The following C15orf40 variants were observed in gnomAD, a reference collection of about 807,000 sequenced individuals.
C15orf40 encodes chromosome 15 open reading frame 40, also known as UPF0235 protein C15orf40.
Under a neutral mutation model 13.9 loss-of-function variants are expected in C15orf40, and 9 were observed. The observed-to-expected ratio is 0.65, with a 90% confidence interval of 0.39 to 1.13. The LOEUF is 1.13. C15orf40 is among the 50% of genes most tolerant of loss of function. The probability of loss-of-function intolerance (pLI) is 0.01; values close to 1 mark genes in which losing one functional copy is unlikely to be tolerated. For missense variants in C15orf40, 225 were observed against 188.5 expected (o/e 1.19, Z -1.13); for synonymous variants, 95 against 69.2 (o/e 1.37, Z -1.85).
intron 3 of C15orf40, among the ~76,000 whole-genome samples, chr15:83,006,665 T>A (rs1265217431): frequency 6.6e-6 from 1 of 151,388 alleles, no homozygotes; most frequent in African/African-American, 2.4e-5. Context: ...AGCAGGAGAA[T>A]CACTTGAACC....
Position 83,008,610 on chromosome 15 carries a change from C to T in C15orf40, c.304G>A (p.Glu102Lys). The change falls in exon 3 of 4, where the codon GAG becomes AAG. Residue 102 changes from glutamate to lysine, a missense_variant. Glu to Lys is a moderately conservative substitution (Grantham distance 56). Transcript: ENST00000304177. The stretch of plus-strand genomic sequence containing the variant: ...ACCTTGGAAAGATACCGACAGAGCT[C>T]AGCATTAGCCTCTCCCTCTGATGGA... ...APPSEGEANAELCRYLSKVLE... is the reference protein window; with the variant it reads ...APPSEGEANAKLCRYLSKVLE... The T allele has an allele frequency of 1.2e-6, 2 of 1,613,996 alleles. No homozygotes were observed. Among genetic ancestry groups the T allele is most frequent in the Non-Finnish European group, 1.7e-6 (2 of 1,179,978 alleles).
rs1187362026 is a variant in C15orf40 at position 83,000,742 on chromosome 15, C to G, written c.*4855G>C. The G allele has an allele frequency of 1.3e-5, 2 of 152,200 alleles. No homozygotes were observed. Among genetic ancestry groups the G allele is most frequent in the Non-Finnish European group, 2.9e-5 (2 of 68,042 alleles). The allele number at this position is 152,200 out of a possible 1,614,324, so 9.4% of individuals were successfully genotyped here. A position where few individuals can be genotyped will look rare whatever the true frequency, so the allele number is the denominator to read the frequency against. On this transcript the variant is annotated 3_prime_UTR_variant, in exon 4 of 4. Transcript: ENST00000304177. ...CAGCTAAAGAACTATGTAACCAAAT[C>G]CCTGGAATCTAGGAGGGGGATGCTG...
chr15:83,007,233 A>T (rs2031737256), intron 3 of C15orf40, among the ~76,000 whole-genome samples: 2 of 152,236 alleles, frequency 1.3e-5, no homozygotes, highest in South Asian at 4.1e-4. Flanking sequence ...TTCTCCTAGC[A>T]AGCAAGGACA....
downstream of C15orf40, among the ~76,000 whole-genome samples, chr15:82,989,419 G>T (rs904171795): frequency 1.3e-5 from 2 of 152,068 alleles, no homozygotes; most frequent in African/African-American, 4.8e-5. Flanking sequence ...GTTTTTAGAT[G>T]TTTTTTCTGT....
downstream of C15orf40, chr15:82,989,161 G>A (rs545191636): frequency 1.9e-6 from 3 of 1,612,934 alleles, no homozygotes; most frequent in South Asian, 1.1e-5. Flanking sequence ...AGCAGAGCTG[G>A]TGGGAACCAA....
chr15:82,989,569 A>G (rs746481091), downstream of C15orf40, among the ~76,000 whole-genome samples: 6 of 152,236 alleles, frequency 3.9e-5, no homozygotes, highest in Non-Finnish European at 8.8e-5. Flanking sequence ...TAATAATTCA[A>G]AATAGTCAAA....
downstream of C15orf40, chr15:82,990,603 G>C: frequency 7.4e-7 from 1 of 1,342,450 alleles, no homozygotes; most frequent in Non-Finnish European, 1.0e-6. Context: ...TTAATCTATA[G>C]ATGAGTCAGC....
rs2031022889 is a variant in C15orf40, at chr15:82,995,561, G to C, written c.*10036C>G. 6.6e-6 allele frequency: 1 copy of C among 152,414 alleles called. No homozygotes were observed. The highest frequency in any genetic ancestry group is 6.5e-5 in the Admixed American group (1 of 15,286). The allele number at this position is 152,414 out of a possible 1,614,324, so 9.4% of individuals were successfully genotyped here. On this transcript the variant is annotated 3_prime_UTR_variant, in exon 4 of 4. Coordinates refer to ENST00000304177, the MANE Select transcript of C15orf40 (RefSeq NM_144597.3). ...TCACTTTGGGAGGCCAAGGTGGAAG[G>C]ATCACCTGAGGTCAGGAGTTCCAGA...
intron 1 of C15orf40, 123 bp downstream of exon 1, chr15:83,011,374 G>A: frequency 6.9e-6 from 8 of 1,160,044 alleles, no homozygotes; most frequent in Non-Finnish European, 9.3e-6. Context: ...CCTGAGCCCC[G>A]GAACTGAGAG....
rs1189822916 is a variant in C15orf40, at chr15:83,010,365, TA to T, written c.112-3del. Reference sequence around the variant, plus strand: ...TGGTTCCTTGCTCTGGCTTTTACCCTAAAATGACAACCACACAACTTTACAG... The same window carrying T: ...TGGTTCCTTGCTCTGGCTTTTACCCTAAATGACAACCACACAACTTTACAG... On this transcript the variant is annotated splice_polypyrimidine_tract_variant and splice_region_variant and intron_variant, in intron 1 of 3. Transcript: ENST00000304177. The T allele has an allele frequency of 2.4e-5, 38 of 1,614,082 alleles. No individual in the cohort carries two copies. Among genetic ancestry groups the T allele is most frequent in the Non-Finnish European group, 3.2e-5 (38 of 1,179,966 alleles).
downstream of C15orf40, among the ~76,000 whole-genome samples, chr15:82,993,973 G>C (rs780828759): frequency 8.8e-4 from 134 of 152,136 alleles, 1 homozygote; most frequent in Non-Finnish European, 2.9e-4. Context: ...TTTTGTTTTT[G>C]AGTGCTAGGT....
intron 3 of C15orf40, among the ~76,000 whole-genome samples, chr15:83,006,682 G>A (rs1475957208): frequency 6.6e-6 from 1 of 152,140 alleles, no homozygotes; most frequent in Non-Finnish European, 1.5e-5. Flanking sequence ...AACCGGGGAG[G>A]GGCGGGGCGC....
downstream of C15orf40, among the ~76,000 whole-genome samples, chr15:82,992,320 A>T (rs2030896027): frequency 1.3e-5 from 2 of 152,172 alleles, no homozygotes; most frequent in South Asian, 4.1e-4. Flanking sequence ...GTTCGAGACC[A>T]GCCTGGCCAA....
intron 2 of C15orf40, among the ~76,000 whole-genome samples, chr15:83,009,703 C>A (rs2031889931): frequency 6.6e-6 from 1 of 152,204 alleles, no homozygotes; most frequent in Non-Finnish European, 1.5e-5. Context: ...TCCTGAGGCA[C>A]CTCCAGCACT....
In C15orf40 at chr15:82,999,499, CCTTTTA is replaced by C. The variant is rs926034250; in HGVS notation, c.*6092_*6097del. The C allele has an allele frequency of 1.7e-4, 26 of 152,140 alleles. No homozygotes were observed. The highest frequency in any genetic ancestry group is 6.3e-4 in the African/African-American group (26 of 41,414). The allele number at this position is 152,140 out of a possible 1,614,324, so 9.4% of individuals were successfully genotyped here. A position where few individuals can be genotyped will look rare whatever the true frequency, so the allele number is the denominator to read the frequency against. ...GCGTGAGCCAACATGGCCAGCCTTA[CCTTTTA>C]CTTTTAAATTATGTTAGCCACATTT... On this transcript the variant is annotated 3_prime_UTR_variant, in exon 4 of 4. Transcript: ENST00000304177.
In C15orf40 at chr15:82,999,901, T is replaced by A. The variant is rs2031342228; in HGVS notation, c.*5696A>T. On this transcript the variant is annotated 3_prime_UTR_variant, in exon 4 of 4. Coordinates refer to ENST00000304177, the MANE Select transcript of C15orf40 (RefSeq NM_144597.3). ...CCCTTAATAACTAAATTATGAGGAT[T>A]GTCTGAGGAATGCCTATGTGGGTAG... The A allele has an allele frequency of 6.6e-6, 1 of 152,190 alleles. No homozygotes were observed. The highest frequency in any genetic ancestry group is 6.5e-5 in the Admixed American group (1 of 15,276). The allele number at this position is 152,190 out of a possible 1,614,324, so 9.4% of individuals were successfully genotyped here. A position where few individuals can be genotyped will look rare whatever the true frequency, so the allele number is the denominator to read the frequency against.
At chr15:82,989,142 G>A (rs1482888527), downstream of C15orf40, 7 of 1,613,776 alleles carry the variant, frequency 4.3e-6, no homozygotes, top group Non-Finnish European at 5.9e-6. Flanking sequence ...AATTGTTGAG[G>A]AATGGAATAG....
chr15:83,008,224 A>G, intron 3 of C15orf40: 1 of 236,980 alleles, frequency 4.2e-6, no homozygotes. Context: ...AAGAAGTTTA[A>G]AAAGAGAGAG....
At position 83,003,910 on chromosome 15, in the gene C15orf40, G is replaced by C. The variant is rs369269364; in HGVS notation, c.*1687C>G. ...TTACAGGCACCCACCACCATGCCTGGCTAGTTTTTATATTTTTAGTAGAGA... is the reference window on the plus strand; with the variant it reads ...TTACAGGCACCCACCACCATGCCTGCCTAGTTTTTATATTTTTAGTAGAGA... On this transcript the variant is annotated 3_prime_UTR_variant, in exon 4 of 4. Coordinates refer to ENST00000304177, the MANE Select transcript of C15orf40 (RefSeq NM_144597.3). 6.6e-6 allele frequency: 1 copy of C among 152,020 alleles called. No individual in the cohort carries two copies. Among genetic ancestry groups the C allele is most frequent in the Non-Finnish European group, 1.5e-5 (1 of 68,018 alleles). The allele number at this position is 152,020 out of a possible 1,614,324, so 9.4% of individuals were successfully genotyped here.
Sources: allele counts gnomAD v4.1 joint callset (sites outside exome capture counted in the v4.1 genomes callset), GRCh38; gene constraint gnomAD v4.1.1; transcripts MANE v1.5; gene names NCBI Gene and HGNC (gene_info 2026-07-23, HGNC 2026-07-21).